Variants in RGS21 observed in about 807,000 individuals in gnomAD.
RGS21 encodes the protein regulator of G-protein signalling 21.
A neutral mutation model predicts 18.7 loss-of-function variants in RGS21; 19 were observed. The observed-to-expected ratio is 1.01, with a 90% CI of 0.71 to 1.49. The LOEUF is 1.49. RGS21 is among the 40% of genes most tolerant of loss of function. The pLI is 0.00. For missense variants in RGS21, 194 were observed against 176.8 expected (o/e 1.10, Z -0.55); for synonymous variants, 56 against 57.8 (o/e 0.97, Z 0.14).
intron 1 of RGS21, among the ~76,000 whole-genome samples, chr1:192,324,428 A>G (rs951758366): frequency 6.6e-6 from 1 of 152,088 alleles, no homozygotes; most frequent in African/African-American, 2.4e-5. Context: ...ACAATTTCAT[A>G]TAGCAGTAGT....
At chr1:192,351,952 A>G (rs754304366) in intron 3 of RGS21, 95 bp from the exon 4 acceptor site, 2 of 643,760 alleles carry the variant, frequency 3.1e-6, no homozygotes, top group Non-Finnish European at 5.1e-6. Flanking sequence ...GCCACTGAAT[A>G]TCCAGTAAAT....
chr1:192,357,574 C>T (rs1045641417), intron 4 of RGS21, among the ~76,000 whole-genome samples: 4 of 151,810 alleles, frequency 2.6e-5, no homozygotes, highest in Non-Finnish European at 5.9e-5. Context: ...AAAACTGAGG[C>T]TTAGAGATAA....
intron 1 of RGS21, among the ~76,000 whole-genome samples, chr1:192,321,252 C>A (rs1658493553): frequency 6.6e-6 from 1 of 151,854 alleles, no homozygotes; most frequent in African/African-American, 2.4e-5. Flanking sequence ...GAATAATACA[C>A]CTTGATTTTC....
chr1:192,345,303 G>A lies in RGS21; in HGVS notation c.12-2010G>A, dbSNP rs555864113. Among the ~76,000 whole-genome samples the A allele has an allele frequency of 8.5e-4, 130 of 152,092 alleles. 1 individual carries two copies. Among genetic ancestry groups the A allele is most frequent in the Admixed American group, 7.9e-3 (120 of 15,236 alleles). On this transcript the variant is annotated intron_variant, in intron 2 of 4. Transcript: ENST00000417209. ...ATGAGGTCCATGATGATTCAGTGACGTTTTCACATTATTTTTCATCTTCTC... is the reference window on the plus strand; with the variant it reads ...ATGAGGTCCATGATGATTCAGTGACATTTTCACATTATTTTTCATCTTCTC...
At chr1:192,320,646 G>A (rs965257892) in intron 1 of RGS21, among the ~76,000 whole-genome samples, 5 of 151,930 alleles carry the variant, frequency 3.3e-5, no homozygotes, top group African/African-American at 1.2e-4. Context: ...GGCTACCAGT[G>A]ATAAAGCTAA....
intron 3 of RGS21, among the ~76,000 whole-genome samples, chr1:192,348,377 T>C (rs748849137): frequency 6.6e-6 from 1 of 152,122 alleles, no homozygotes; most frequent in Non-Finnish European, 1.5e-5. Context: ...GAAAGAAACA[T>C]ACAAACTGTT....
At chr1:192,333,372 A>G (rs1221009251) in intron 1 of RGS21, among the ~76,000 whole-genome samples, 1 of 151,824 alleles carries the variant, frequency 6.6e-6, no homozygotes. Flanking sequence ...TGTCTATACA[A>G]ACACCTACAC....
At chr1:192,362,630 T>C (rs1659201948) in intron 4 of RGS21, among the ~76,000 whole-genome samples, 1 of 152,130 alleles carries the variant, frequency 6.6e-6, no homozygotes, top group Non-Finnish European at 1.5e-5. Context: ...CTACTGATCA[T>C]CTCCTGAGAA....
Position 192,347,390 on chromosome 1 carries a change from G to A in RGS21, c.88+1G>A. 6.5e-7 allele frequency: 1 copy of A among 1,534,530 alleles called. No homozygotes were observed. The highest frequency in any genetic ancestry group is 9.0e-7 in the Non-Finnish European group (1 of 1,110,240). On this transcript the variant is annotated splice_donor_variant, in intron 3 of 4. Transcript: ENST00000417209. LOFTEE classifies it high-confidence loss of function. ...ATGGACACGCTTTTAGCCAACCAAG[G>A]TAAGATTTAACTAATAATAGGCTTA...
chr1:192,329,157 C>T (rs1051923049), intron 1 of RGS21, among the ~76,000 whole-genome samples: 1 of 151,894 alleles, frequency 6.6e-6, no homozygotes, highest in Non-Finnish European at 1.5e-5. Flanking sequence ...ATTTTAGTGG[C>T]CAATATTGTC....
rs566678504 is a variant in RGS21 at position 192,326,046 on chromosome 1, G to A, written c.-61+8941G>A. Among the ~76,000 whole-genome samples, 6 of 151,940 alleles carry A rather than the reference G, an allele frequency of 3.9e-5. No homozygotes were observed. The South Asian group carries it at 6.2e-4, about 16-fold the overall frequency. On this transcript the variant is annotated intron_variant, in intron 1 of 4. Transcript: ENST00000417209. The stretch of plus-strand genomic sequence containing the variant: ...TTAAGATAAAATATGGCTCTTCTGC[G>A]ACTCATAATGGATACTTGAAAGCTA...
intron 3 of RGS21, among the ~76,000 whole-genome samples, chr1:192,351,399 T>C (rs1293542709): frequency 2.6e-5 from 4 of 152,042 alleles, no homozygotes; most frequent in South Asian, 2.1e-4. Flanking sequence ...ACCAATACAA[T>C]TTAACACTTT....
intron 1 of RGS21, among the ~76,000 whole-genome samples, chr1:192,336,519 G>A (rs1177365050): frequency 6.6e-6 from 1 of 152,036 alleles, no homozygotes; most frequent in Non-Finnish European, 1.5e-5. Flanking sequence ...TTCAATGCAA[G>A]ACCTGGTTAC....
chr1:192,339,095 C>T (rs536157722), intron 1 of RGS21, among the ~76,000 whole-genome samples: 10 of 151,976 alleles, frequency 6.6e-5, no homozygotes, highest in Admixed American at 3.9e-4. Flanking sequence ...GTTTCTGACA[C>T]GTATTTCTGA....
intron 4 of RGS21, among the ~76,000 whole-genome samples, chr1:192,365,035 C>G (rs1006607270): frequency 6.6e-6 from 1 of 151,306 alleles, no homozygotes; most frequent in Non-Finnish European, 1.5e-5. Context: ...ACTAGGGAGG[C>G]TAAGGCAGGA....
At chr1:192,341,018 G>A (rs1409312120) in intron 1 of RGS21, among the ~76,000 whole-genome samples, 1 of 151,986 alleles carries the variant, frequency 6.6e-6, no homozygotes, top group Non-Finnish European at 1.5e-5. Flanking sequence ...AGTCTCACTG[G>A]GTCAAAATCA....
At chr1:192,337,139 T>C (rs1398240683) in intron 1 of RGS21, among the ~76,000 whole-genome samples, 2 of 152,108 alleles carry the variant, frequency 1.3e-5, no homozygotes, top group Non-Finnish European at 2.9e-5. Flanking sequence ...TAGACACATA[T>C]AGCTTAAATT....
chr1:192,360,082 C>T (rs1047379246), intron 4 of RGS21, among the ~76,000 whole-genome samples: 4 of 151,830 alleles, frequency 2.6e-5, no homozygotes, highest in African/African-American at 7.3e-5. Flanking sequence ...AGAAGAGACA[C>T]TCCTCATCTA....
At chr1:192,338,007 G>T (rs1658798759) in intron 1 of RGS21, among the ~76,000 whole-genome samples, 1 of 152,034 alleles carries the variant, frequency 6.6e-6, no homozygotes, top group African/African-American at 2.4e-5. Context: ...AAAACACAAA[G>T]AAAATACATT....
Sources: allele counts gnomAD v4.1 joint callset (sites outside exome capture counted in the v4.1 genomes callset), GRCh38; gene constraint gnomAD v4.1.1; transcripts MANE v1.5; gene names NCBI Gene and HGNC (gene_info 2026-07-23, HGNC 2026-07-21).